The following RAB38 variants were observed in gnomAD, a reference collection of about 807,000 sequenced individuals.
RAB38 encodes the protein ras-related protein Rab-38.
In RAB38, 15 loss-of-function variants were observed where a neutral mutation model predicts 18.4. The observed-to-expected ratio is 0.82, with a 90% CI of 0.55 to 1.26. RAB38 has a LOEUF of 1.26. Among genes scored for constraint, RAB38 ranks in the 50% most tolerant of loss-of-function variants. The pLI, the probability that RAB38 is intolerant of heterozygous loss-of-function variation, is 0.00. For synonymous variants in RAB38, 101 were observed against 104.4 expected (o/e 0.97, Z 0.20); for missense variants, 294 against 267.4 (o/e 1.10, Z -0.69).
chr11:87,890,695 G>C, the RAB38 span, among the ~76,000 whole-genome samples: 1 of 151,758 alleles, frequency 6.6e-6, no homozygotes, highest in Non-Finnish European at 1.5e-5. Context: ...AATCATAGAG[G>C]TTCTCTTCAT....
chr11:87,935,960 CT>C, the RAB38 span, among the ~76,000 whole-genome samples: 1 of 151,992 alleles, frequency 6.6e-6, no homozygotes, highest in Non-Finnish European at 1.5e-5. Context: ...GGTGAAATGT[CT>C]CTTTATGTCT....
At chr11:87,893,900 C>A in the RAB38 span, among the ~76,000 whole-genome samples, 1 of 151,624 alleles carries the variant, frequency 6.6e-6, no homozygotes, top group Non-Finnish European at 1.5e-5. Context: ...ATCCAGTGGT[C>A]CCTTGAGATT....
chr11:87,961,719 T>C, the RAB38 span, among the ~76,000 whole-genome samples: 1 of 152,170 alleles, frequency 6.6e-6, no homozygotes, highest in Admixed American at 6.5e-5. Context: ...AGCAGGGACA[T>C]CACGCCATGA....
chr11:87,890,825 AGTC>A, the RAB38 span, among the ~76,000 whole-genome samples: 1 of 151,940 alleles, frequency 6.6e-6, no homozygotes, highest in Non-Finnish European at 1.5e-5. Context: ...CTTACTGAGT[AGTC>A]ATTATGTGCT....
the RAB38 span, among the ~76,000 whole-genome samples, chr11:87,845,130 C>A: frequency 6.6e-6 from 1 of 152,084 alleles, no homozygotes. Context: ...TAACAACATC[C>A]TGCAGATTGT....
intron 1 of RAB38, 52 bp downstream of exon 1, chr11:88,175,131 G>C: frequency 6.7e-7 from 1 of 1,498,524 alleles, no homozygotes; most frequent in Non-Finnish European, 9.0e-7. Context: ...CTCGAGACTG[G>C]AAACCGGCCG....
At chr11:88,138,063 G>A (rs1440590054) in intron 2 of RAB38, among the ~76,000 whole-genome samples, 1 of 152,110 alleles carries the variant, frequency 6.6e-6, no homozygotes, top group African/African-American at 2.4e-5. Flanking sequence ...CAGCAAAACA[G>A]GACAAATAAA....
At chr11:87,830,133 G>A in the RAB38 span, among the ~76,000 whole-genome samples, 1 of 152,006 alleles carries the variant, frequency 6.6e-6, no homozygotes, top group Non-Finnish European at 1.5e-5. Flanking sequence ...TACTTACTCT[G>A]TGCCCAGAAT....
At chr11:87,831,501 A>G in the RAB38 span, among the ~76,000 whole-genome samples, 4 of 152,208 alleles carry the variant, frequency 2.6e-5, no homozygotes, top group African/African-American at 9.6e-5. Flanking sequence ...TGGACTTTCA[A>G]GTTGGGGCAT....
At chr11:88,170,397 A>T (rs891738221) in intron 1 of RAB38, among the ~76,000 whole-genome samples, 1 of 152,174 alleles carries the variant, frequency 6.6e-6, no homozygotes, top group Non-Finnish European at 1.5e-5. Context: ...GACATTTAAG[A>T]CCCATCTTCT....
the RAB38 span, among the ~76,000 whole-genome samples, chr11:88,092,674 T>G: frequency 2.0e-5 from 3 of 151,810 alleles, no homozygotes; most frequent in Admixed American, 6.6e-5. Flanking sequence ...GTTATGTATA[T>G]GGGTTTAACT....
chr11:88,112,581 T>C (rs934133617), downstream of RAB38, among the ~76,000 whole-genome samples: 1 of 151,982 alleles, frequency 6.6e-6, no homozygotes, highest in African/African-American at 2.4e-5. Context: ...TACAGGAAAA[T>C]AGCAGGATCC....
the RAB38 span, among the ~76,000 whole-genome samples, chr11:87,813,748 A>G: frequency 6.6e-6 from 1 of 152,200 alleles, no homozygotes; most frequent in African/African-American, 2.4e-5. Flanking sequence ...TATTGAGGGT[A>G]GATCTTAAAC....
the RAB38 span, among the ~76,000 whole-genome samples, chr11:87,921,559 T>C: frequency 6.7e-6 from 1 of 148,166 alleles, no homozygotes; most frequent in Admixed American, 6.8e-5. Context: ...ATATAAAATA[T>C]TATATATAAT....
the RAB38 span, among the ~76,000 whole-genome samples, chr11:88,081,672 T>C: frequency 1.3e-5 from 2 of 151,882 alleles, no homozygotes; most frequent in East Asian, 1.9e-4. Flanking sequence ...AGGACATCCA[T>C]CATTGACTCA....
chr11:88,093,732 C>T, the RAB38 span, among the ~76,000 whole-genome samples: 2 of 152,012 alleles, frequency 1.3e-5, no homozygotes, highest in East Asian at 1.9e-4. Context: ...GTAAAAAGCA[C>T]ACCCTTATGA....
chr11:88,151,763 T>C (rs1413877192), intron 1 of RAB38, among the ~76,000 whole-genome samples: 1 of 152,212 alleles, frequency 6.6e-6, no homozygotes, highest in Admixed American at 6.5e-5. Flanking sequence ...ATATTTACAT[T>C]GGTAGTAGCA....
At chr11:88,077,532 C>A in the RAB38 span, among the ~76,000 whole-genome samples, 1 of 151,908 alleles carries the variant, frequency 6.6e-6, no homozygotes, top group East Asian at 1.9e-4. Flanking sequence ...AACAAGGGAG[C>A]CAAGAACATG....
the RAB38 span, among the ~76,000 whole-genome samples, chr11:87,975,507 G>A: frequency 2.0e-5 from 3 of 151,878 alleles, no homozygotes; most frequent in African/African-American, 7.2e-5. Context: ...AAATGGAGAT[G>A]ACTAACATGG....
Sources: gnomAD v4.1 joint callset for allele counts (sites outside exome capture counted in the v4.1 genomes callset) on GRCh38, gnomAD v4.1.1 for gene constraint, MANE v1.5 for transcripts, NCBI Gene and HGNC (gene_info 2026-07-23, HGNC 2026-07-21) for gene names.